Variants in RBFOX1 observed in about 807,000 individuals in gnomAD.
RBFOX1 encodes the protein RNA binding protein fox-1 homolog 1.
In RBFOX1, 8 loss-of-function variants were observed where a neutral mutation model predicts 57.7. The observed-to-expected ratio is 0.14, with a 90% confidence interval of 0.08 to 0.25. The LOEUF (loss-of-function observed/expected upper bound fraction) is 0.25, where lower values mean the gene tolerates loss of function less well. RBFOX1 is among the 10% of genes least tolerant of loss of function. The pLI is 1.00. For missense variants in RBFOX1, 611 were observed against 548.5 expected (o/e 1.11, Z -1.14); for synonymous variants, 326 against 222.4 (o/e 1.47, Z -4.15).
chr16:7,042,899 C>A (rs1386047280), intron 3 of RBFOX1, among the ~76,000 whole-genome samples: 1 of 152,156 alleles, frequency 6.6e-6, no homozygotes, highest in South Asian at 2.1e-4. Context: ...GCACTCCAGC[C>A]TGGGTGACAG....
Position 6,853,209 on chromosome 16 carries a change from G to A in RBFOX1, c.-16+198559G>A, listed in dbSNP as rs2094163399. Among the ~76,000 whole-genome samples, 4 of 152,080 alleles carry A rather than the reference G, an allele frequency of 2.6e-5. No individual in the cohort carries two copies. The South Asian group carries it at 8.3e-4, about 32-fold the overall frequency. On this transcript the variant is annotated intron_variant, in intron 3 of 15. Coordinates refer to ENST00000550418, the MANE Select transcript of RBFOX1 (RefSeq NM_018723.4). ...GACTAATACTGGTGTTTACCCTTAG[G>A]GCTTTTGTGAGCATTAATGATAGTA...
chr16:7,106,570 G>C (rs1057075743), intron 4 of RBFOX1, among the ~76,000 whole-genome samples: 2 of 152,044 alleles, frequency 1.3e-5, no homozygotes, highest in African/African-American at 4.8e-5. Context: ...TGTGCTTAGG[G>C]ACTTCTTTTT....
At chr16:6,245,760 C>G (rs139680208) in intron 1 of RBFOX1, among the ~76,000 whole-genome samples, 1 of 152,184 alleles carries the variant, frequency 6.6e-6, no homozygotes, top group Non-Finnish European at 1.5e-5. Context: ...TCTGCAGCTA[C>G]TCAGCAGTGA....
intron 3 of RBFOX1, among the ~76,000 whole-genome samples, chr16:6,927,845 A>G (rs1260305883): frequency 6.6e-6 from 1 of 152,226 alleles, no homozygotes; most frequent in Admixed American, 6.5e-5. Flanking sequence ...GAAAATGTGG[A>G]TCTCACAACA....
At chr16:6,986,260 G>C (rs1189929478) in intron 3 of RBFOX1, among the ~76,000 whole-genome samples, 2 of 151,572 alleles carry the variant, frequency 1.3e-5, no homozygotes, top group Non-Finnish European at 1.5e-5. Flanking sequence ...GAGTGCAATG[G>C]CATGATCTTG....
intron 3 of RBFOX1, among the ~76,000 whole-genome samples, chr16:6,914,372 C>T (rs753045007): frequency 4.1e-4 from 62 of 152,142 alleles, no homozygotes; most frequent in Middle Eastern, 3.4e-3. Flanking sequence ...GATAAGTATT[C>T]TACTTTTCAT....
chr16:6,904,435 C>T (rs1189856618), intron 3 of RBFOX1, among the ~76,000 whole-genome samples: 2 of 151,364 alleles, frequency 1.3e-5, no homozygotes, highest in East Asian at 2.0e-4. Flanking sequence ...TCCTCCTGTC[C>T]ACTGAAAGTA....
chr16:7,203,651 C>T (rs1490249732), intron 4 of RBFOX1, among the ~76,000 whole-genome samples: 2 of 152,194 alleles, frequency 1.3e-5, no homozygotes, highest in South Asian at 2.1e-4. Context: ...TCTCACAGCT[C>T]AGATAGGGTC....
At chr16:6,629,463 C>A (rs536655240) in intron 2 of RBFOX1, among the ~76,000 whole-genome samples, 3 of 152,274 alleles carry the variant, frequency 2.0e-5, no homozygotes, top group African/African-American at 7.2e-5. Context: ...TCATTAATGT[C>A]ACAAATAGTT....
At chr16:7,515,952 C>G (rs1481777676) in intron 4 of RBFOX1, among the ~76,000 whole-genome samples, 2 of 152,156 alleles carry the variant, frequency 1.3e-5, no homozygotes, top group African/African-American at 2.4e-5. Flanking sequence ...TCAAGTGGTT[C>G]TCCTGCCTCA....
intron 2 of RBFOX1, among the ~76,000 whole-genome samples, chr16:6,465,040 A>T (rs1419127373): frequency 6.6e-6 from 1 of 152,242 alleles, no homozygotes; most frequent in East Asian, 1.9e-4. Context: ...TAGCCTGATT[A>T]TCGTGAATTG....
At chr16:7,281,865 T>A (rs1691439353) in intron 4 of RBFOX1, among the ~76,000 whole-genome samples, 10 of 152,096 alleles carry the variant, frequency 6.6e-5, no homozygotes, top group Admixed American at 6.5e-4. Flanking sequence ...CCTTTTATTT[T>A]TGTTTTCTTT....
intron 4 of RBFOX1, among the ~76,000 whole-genome samples, chr16:5,983,048 G>A (rs1055953346): frequency 6.6e-6 from 1 of 152,142 alleles, no homozygotes; most frequent in Non-Finnish European, 1.5e-5. Flanking sequence ...AGTCATCCCA[G>A]CGCTGATGTC....
At chr16:6,051,516 G>A (rs1369250373) in intron 1 of RBFOX1, among the ~76,000 whole-genome samples, 1 of 152,044 alleles carries the variant, frequency 6.6e-6, no homozygotes, top group Admixed American at 6.6e-5. Flanking sequence ...TTTAGTAGAG[G>A]CGGGGTTTCG....
intron 1 of RBFOX1, among the ~76,000 whole-genome samples, chr16:6,203,023 G>C (rs779832604): frequency 1.3e-5 from 2 of 151,920 alleles, no homozygotes; most frequent in Admixed American, 1.3e-4. Context: ...TGATCCTCCT[G>C]CTTCAGCTTC....
At chr16:5,430,843 A>G (rs1321558396) in intron 1 of RBFOX1, among the ~76,000 whole-genome samples, 1 of 152,250 alleles carries the variant, frequency 6.6e-6, no homozygotes, top group African/African-American at 2.4e-5. Flanking sequence ...ACAACAGCCA[A>G]CCTTTACACA....
intron 4 of RBFOX1, among the ~76,000 whole-genome samples, chr16:5,916,062 T>C (rs767184049): frequency 1.5e-4 from 23 of 152,122 alleles, no homozygotes; most frequent in Non-Finnish European, 2.8e-4. Context: ...GATTGGATTG[T>C]GCAGATTCCT....
rs1030724587 is a variant in RBFOX1, at chr16:7,315,037, A to G, written c.28-203110A>G. On this transcript the variant is annotated intron_variant, in intron 4 of 15. Transcript: ENST00000550418. Reference sequence around the variant, plus strand: ...GGAAGAAAACAAATCATAACCTCATATATTTTATTTGGAGCCCTCAATCAA... The same window carrying G: ...GGAAGAAAACAAATCATAACCTCATGTATTTTATTTGGAGCCCTCAATCAA... Among the ~76,000 whole-genome samples the G allele has an allele frequency of 4.2e-4, 63 of 150,998 alleles. 2 individuals are homozygous for G. Among genetic ancestry groups the G allele is most frequent in the East Asian group, 1.9e-4 (1 of 5,160 alleles).
intron 3 of RBFOX1, among the ~76,000 whole-genome samples, chr16:6,933,857 T>G (rs1238188568): frequency 6.6e-6 from 1 of 152,244 alleles, no homozygotes; most frequent in African/African-American, 2.4e-5. Context: ...AATCAATAAT[T>G]GGGATTTCAT....
Sources: gnomAD v4.1 joint callset for allele counts (sites outside exome capture counted in the v4.1 genomes callset) on GRCh38, gnomAD v4.1.1 for gene constraint, MANE v1.5 for transcripts, NCBI Gene and HGNC (gene_info 2026-07-23, HGNC 2026-07-21) for gene names.